The following ZNF487 variants were observed in gnomAD, a reference collection of about 807,000 sequenced individuals.
ZNF487 encodes the protein KRAB domain only 1.
In ZNF487, 4 loss-of-function variants were observed where a neutral mutation model predicts 3.0. The observed-to-expected ratio is 1.35, with a 90% CI of 0.66 to 3.08. The LOEUF is 3.08. Among genes scored for constraint, ZNF487 ranks in the 30% most tolerant of loss-of-function variants. ZNF487 has a pLI of 0.01. For missense variants in ZNF487, 146 were observed against 98.7 expected, an observed-to-expected ratio of 1.48 and a Z score of -2.03; for synonymous variants, 55 against 34.6, an observed-to-expected ratio of 1.59 and a Z score of -2.06.
the ZNF487 span, among the ~76,000 whole-genome samples, chr10:43,515,844 G>A: frequency 2.0e-5 from 3 of 151,958 alleles, no homozygotes; most frequent in South Asian, 2.1e-4. Context: ...GTGCAATCTC[G>A]GCTCACTGCA....
At chr10:43,486,572 A>G (rs996570780), downstream of ZNF487, among the ~76,000 whole-genome samples, 2 of 152,182 alleles carry the variant, frequency 1.3e-5, no homozygotes, top group Non-Finnish European at 2.9e-5. Flanking sequence ...AAAGCAAAGA[A>G]ATGGGCAAAA....
chr10:43,455,489 G>A (rs550177528), intron 1 of ZNF487, among the ~76,000 whole-genome samples: 2 of 152,378 alleles, frequency 1.3e-5, no homozygotes, highest in South Asian at 4.1e-4. Flanking sequence ...CTGCCGTGCA[G>A]GCGTCCTTTG....
At chr10:43,491,379 T>C in the ZNF487 span, among the ~76,000 whole-genome samples, 2 of 151,694 alleles carry the variant, frequency 1.3e-5, no homozygotes, top group Non-Finnish European at 2.9e-5. Context: ...CAGGTACCTG[T>C]GTGGGTTCCC....
In ZNF487 at chr10:43,447,190, GA is replaced by G. The variant is rs369985969; in HGVS notation, c.-94+9929del. ...GAAAGCGGGAGACGGAGATGAGGGA[GA>G]GGGGGAGACCGTGGAAAGCGGGAGA... On this transcript the variant is annotated intron_variant, in intron 1 of 3. Coordinates refer to ENST00000437590, the MANE Select transcript of ZNF487 (RefSeq NM_001355444.3). Among the ~76,000 whole-genome samples the G allele has an allele frequency of 3.3e-3, 495 of 152,124 alleles. 3 individuals are homozygous for G. The highest frequency in any genetic ancestry group is 0.014 in the Middle Eastern group (4 of 292).
intron 1 of ZNF487, among the ~76,000 whole-genome samples, chr10:43,474,162 A>G (rs1238037226): frequency 6.8e-6 from 1 of 147,348 alleles, no homozygotes; most frequent in African/African-American, 2.5e-5. Flanking sequence ...CCGTGTTTCA[A>G]AAAAAAAAAA....
At chr10:43,453,464 CAG>C (rs1840071634) in intron 1 of ZNF487, 1 of 152,130 alleles carries the variant, frequency 6.6e-6, no homozygotes, top group Non-Finnish European at 1.5e-5. Context: ...ATGGTGGGGA[CAG>C]GGGTCATCCT....
chr10:43,456,333 CAG>C (rs1394457553), intron 1 of ZNF487, among the ~76,000 whole-genome samples: 5 of 152,174 alleles, frequency 3.3e-5, no homozygotes, highest in African/African-American at 4.8e-5. Flanking sequence ...GACTTCTCAC[CAG>C]AGTTTCACAG....
chr10:43,483,672 C>G (rs1047667583), downstream of ZNF487, among the ~76,000 whole-genome samples: 1 of 151,992 alleles, frequency 6.6e-6, no homozygotes, highest in Non-Finnish European at 1.5e-5. Context: ...GGACTACAGG[C>G]ATGTGTCACC....
intron 1 of ZNF487, among the ~76,000 whole-genome samples, chr10:43,459,129 C>G (rs1398133598): frequency 6.6e-6 from 1 of 152,066 alleles, no homozygotes; most frequent in African/African-American, 2.4e-5. Flanking sequence ...TGATCTAGTC[C>G]TTCCTCTGTA....
rs75068778 is a variant in ZNF487 at position 43,438,108 on chromosome 10, A to C, written c.-94+846A>C. 3.9e-3 allele frequency among the ~76,000 whole-genome samples: 601 copies of C among 152,208 alleles called. 11 individuals are homozygous for C. The East Asian group carries it at 0.06, about 15-fold the overall frequency. ...ATATCCTTAAATACATTTTGCACTA[A>C]TTCCTTTTGAAACCTCATCATGGAG... On this transcript the variant is annotated intron_variant, in intron 1 of 3. Coordinates refer to ENST00000437590, the MANE Select transcript of ZNF487 (RefSeq NM_001355444.3).
chr10:43,453,612 C>T (rs1347059640), intron 1 of ZNF487: 1 of 152,180 alleles, frequency 6.6e-6, no homozygotes, highest in Non-Finnish European at 1.5e-5. Context: ...GAAGCCCACA[C>T]AACTACAGAT....
chr10:43,450,736 A>C (rs1839977086), intron 1 of ZNF487, among the ~76,000 whole-genome samples: 1 of 152,140 alleles, frequency 6.6e-6, no homozygotes, highest in Non-Finnish European at 1.5e-5. Context: ...TTATAGATCA[A>C]GTATTTCTGA....
At chr10:43,510,273 C>T in the ZNF487 span, among the ~76,000 whole-genome samples, 1 of 152,172 alleles carries the variant, frequency 6.6e-6, no homozygotes, top group African/African-American at 2.4e-5. Context: ...ATTCCCTTTG[C>T]CTTCAGCAAG....
At chr10:43,464,525 C>T (rs1027195717) in intron 1 of ZNF487, among the ~76,000 whole-genome samples, 7 of 152,076 alleles carry the variant, frequency 4.6e-5, no homozygotes, top group South Asian at 2.1e-4. Flanking sequence ...TGCGGCCTTC[C>T]GCAGTGTTTG....
intron 1 of ZNF487, among the ~76,000 whole-genome samples, chr10:43,447,535 C>T (rs1342357156): frequency 1.3e-5 from 2 of 152,216 alleles, no homozygotes; most frequent in Non-Finnish European, 2.9e-5. Context: ...AGCCACCACG[C>T]ACAGCCTGAA....
At chr10:43,498,120 T>TC in the ZNF487 span, among the ~76,000 whole-genome samples, 1 of 19,466 alleles carries the variant, frequency 5.1e-5, no homozygotes, top group Non-Finnish European at 9.3e-5. Context: ...TTTTCTTTTT[T>TC]TTTTTTTTTT....
chr10:43,454,211 C>A (rs944839490), intron 1 of ZNF487: 3 of 152,092 alleles, frequency 2.0e-5, no homozygotes, highest in Non-Finnish European at 4.4e-5. Context: ...GGCTGCCACG[C>A]CCGGCTCATT....
At chr10:43,516,851 A>G in the ZNF487 span, among the ~76,000 whole-genome samples, 3 of 152,096 alleles carry the variant, frequency 2.0e-5, no homozygotes, top group Non-Finnish European at 2.9e-5. Context: ...CTTCAATCCA[A>G]TCGTTGACAC....
chr10:43,481,679 T>C lies in ZNF487; in HGVS notation c.381T>C (p.Pro127=). Residue 127 remains proline (P), a synonymous_variant, in exon 4 of 4, where the codon CCT becomes CCC. Coordinates refer to ENST00000437590, the MANE Select transcript of ZNF487 (RefSeq NM_001355444.3). ...ISNRSSFVRN[P]AECNVRGKFL... is the part of the protein sequence containing the mutation. The stretch of plus-strand genomic sequence containing the variant: ...ATAGAAGCTCCTTTGTAAGGAACCC[T>C]GCTGAGTGTAATGTACGTGGGAAAT... 1 of 704,452 alleles carries C rather than the reference T, an allele frequency of 1.4e-6. No individual in the cohort carries two copies. The highest frequency in any genetic ancestry group is 2.6e-6 in the Non-Finnish European group (1 of 379,694). The allele number at this position is 704,452 out of a possible 1,614,324, so 43.6% of individuals were successfully genotyped here.
Sources: gnomAD v4.1 joint callset for allele counts (sites outside exome capture counted in the v4.1 genomes callset) on GRCh38, gnomAD v4.1.1 for gene constraint, MANE v1.5 for transcripts, NCBI Gene and HGNC (gene_info 2026-07-23, HGNC 2026-07-21) for gene names.